Variants in NIPAL3 observed in about 807,000 individuals in gnomAD.
NIPAL3 encodes the protein NIPA-like protein 3.
Under a neutral mutation model 47.2 loss-of-function variants are expected in NIPAL3, and 41 were observed. The ratio of observed to expected loss-of-function variants is 0.87; its 90% CI spans 0.68 to 1.13. The LOEUF (loss-of-function observed/expected upper bound fraction) is 1.13. NIPAL3 is among the 50% of genes most tolerant of loss of function. NIPAL3 has a pLI of 0.00. For missense variants in NIPAL3, 449 were observed against 530.1 expected, an observed-to-expected ratio of 0.85 and a Z score of 1.50; for synonymous variants, 194 against 209.6, an observed-to-expected ratio of 0.93 and a Z score of 0.64.
chr1:24,419,671 T>C (rs1453046400), intron 2 of NIPAL3, 31 bp downstream of exon 2: 2 of 1,596,868 alleles, frequency 1.3e-6, no homozygotes, highest in African/African-American at 1.3e-5. Flanking sequence ...TGGGAATTTG[T>C]ATTTTCCTAG....
At chr1:24,437,619 A>G (rs1460163144) in intron 2 of NIPAL3, among the ~76,000 whole-genome samples, 1 of 152,204 alleles carries the variant, frequency 6.6e-6, no homozygotes, top group East Asian at 1.9e-4. Context: ...GGATGGCCCC[A>G]GGGTCCTGAG....
intron 8 of NIPAL3, among the ~76,000 whole-genome samples, chr1:24,458,663 T>C (rs1646333520): frequency 1.3e-5 from 2 of 151,814 alleles, no homozygotes. Context: ...AATTGGGAAA[T>C]GGGGATGGGC....
chr1:24,472,888 G>T lies in NIPAL3; in HGVS notation c.*3703G>T, dbSNP rs1053171063. Reference sequence around the variant, plus strand: ...GATGCTTATATTTTGTTAACTTCACGACTTATGGCATGTCTTATTTAAAAA... The same window carrying T: ...GATGCTTATATTTTGTTAACTTCACTACTTATGGCATGTCTTATTTAAAAA... On this transcript the variant is annotated 3_prime_UTR_variant, in exon 12 of 12. Transcript: ENST00000374399. 2.0e-5 allele frequency: 3 copies of T among 151,506 alleles called. No homozygotes were observed. The highest frequency in any genetic ancestry group is 7.3e-5 in the African/African-American group (3 of 41,178). 9.4% of individuals were successfully genotyped at this position (151,506 alleles called of 1,614,324 possible).
At chr1:24,463,771 A>G (rs1398603964) in intron 10 of NIPAL3, among the ~76,000 whole-genome samples, 3 of 152,038 alleles carry the variant, frequency 2.0e-5, no homozygotes, top group African/African-American at 7.3e-5. Context: ...CGCCCAGGAG[A>G]GTCTAATTTA....
Position 24,419,350 on chromosome 1 carries a change from T to C in NIPAL3, c.-198T>C. 7.8e-7 allele frequency: 1 copy of C among 1,279,596 alleles called. No individual in the cohort carries two copies. Among genetic ancestry groups the C allele is most frequent in the Non-Finnish European group, 9.9e-7 (1 of 1,014,778 alleles). 79.3% of individuals were successfully genotyped at this position (1,279,596 alleles called of 1,614,324 possible). A position where few individuals can be genotyped will look rare whatever the true frequency, so the allele number is the denominator to read the frequency against. The stretch of plus-strand genomic sequence containing the variant: ...GTCTGCCTGGGAGAGCCACGGAAAT[T>C]GGCACTTCTCTGAGTGAAGCTGAGG... On this transcript the variant is annotated 5_prime_UTR_variant, in exon 2 of 12. Transcript: ENST00000374399.
At chr1:24,466,030 C>G (rs1646684164) in intron 11 of NIPAL3, 9 of 1,611,918 alleles carry the variant, frequency 5.6e-6, no homozygotes, top group Non-Finnish European at 6.8e-6. Flanking sequence ...CAGACAACTG[C>G]TGTTCAAGAG....
In NIPAL3 at chr1:24,449,440, T is replaced by C. The variant is rs1246990239; in HGVS notation, c.395-41T>C. On this transcript the variant is annotated intron_variant, in intron 5 of 11. Coordinates refer to ENST00000374399, the MANE Select transcript of NIPAL3 (RefSeq NM_020448.5). This position sits in a 1 kb window ranked among gnomAD's most constrained non-coding sequence, Gnocchi z 4.5. ...GAGAACGTGTACTGTATCTTGGGCC[T>C]GTTGTTGCAATGAGTCCGTGACAGC... 1 of 1,608,340 alleles carries C rather than the reference T, an allele frequency of 6.2e-7. No individual in the cohort carries two copies. The highest frequency in any genetic ancestry group is 8.5e-7 in the Non-Finnish European group (1 of 1,176,866).
upstream of NIPAL3, chr1:24,413,906 GC>G (rs1423345465): frequency 6.6e-6 from 1 of 152,264 alleles, no homozygotes; most frequent in Non-Finnish European, 1.5e-5. Context: ...AGGGCCTGTA[GC>G]GGGGTGGGGA....
intron 8 of NIPAL3, 41 bp downstream of exon 8, chr1:24,456,314 G>T: frequency 6.2e-7 from 1 of 1,613,412 alleles, no homozygotes; most frequent in Non-Finnish European, 8.5e-7. Flanking sequence ...CTGCCATTCG[G>T]GCTGCTTCTC....
intron 7 of NIPAL3, 101 bp from the exon 8 acceptor site, chr1:24,456,037 C>T: frequency 1.4e-6 from 2 of 1,416,856 alleles, no homozygotes; most frequent in African/African-American, 1.4e-5. Flanking sequence ...GTTCCCTCCC[C>T]TCTGTCTCCC....
chr1:24,443,176 C>T (rs1444128581), intron 4 of NIPAL3, among the ~76,000 whole-genome samples: 1 of 151,906 alleles, frequency 6.6e-6, no homozygotes, highest in African/African-American at 2.4e-5. Context: ...TTTGAACCAA[C>T]TAAAAGACAA....
chr1:24,446,931 T>TC (rs1255416718), intron 5 of NIPAL3, among the ~76,000 whole-genome samples: 1 of 152,098 alleles, frequency 6.6e-6, no homozygotes, highest in Non-Finnish European at 1.5e-5. Flanking sequence ...GAGATTGCCA[T>TC]CCCCAGGTCT....
chr1:24,432,939 G>A (rs926460), intron 2 of NIPAL3, among the ~76,000 whole-genome samples: 65,087 of 152,032 alleles, frequency 0.43, 15,252 homozygotes, highest in African/African-American at 0.64. Context: ...AAGTTCTCAC[G>A]ATGCCCTATT....
chr1:24,421,178 G>C (rs1363065213), intron 2 of NIPAL3, among the ~76,000 whole-genome samples: 1 of 151,668 alleles, frequency 6.6e-6, no homozygotes, highest in Non-Finnish European at 1.5e-5. Context: ...AAATTAGCCA[G>C]GTGTGGTAGG....
In NIPAL3 at chr1:24,471,310, A is replaced by G. The variant is rs1295124717; in HGVS notation, c.*2125A>G. 6.6e-6 allele frequency: 1 copy of G among 152,636 alleles called. No individual in the cohort carries two copies. Among genetic ancestry groups the G allele is most frequent in the African/African-American group, 2.4e-5 (1 of 41,470 alleles). The allele number at this position is 152,636 out of a possible 1,614,324, so 9.5% of individuals were successfully genotyped here. On this transcript the variant is annotated 3_prime_UTR_variant, in exon 12 of 12. Coordinates refer to ENST00000374399, the MANE Select transcript of NIPAL3 (RefSeq NM_020448.5). ...TAGTGGAAGCTGGGCACAGTGGCTCATGCCTGCAATCCCAGCACTTTGGGA... is the reference window on the plus strand; with the variant it reads ...TAGTGGAAGCTGGGCACAGTGGCTCGTGCCTGCAATCCCAGCACTTTGGGA...
intron 7 of NIPAL3, chr1:24,453,910 C>A: frequency 2.4e-6 from 1 of 414,724 alleles, no homozygotes; most frequent in South Asian, 1.8e-5. Context: ...GGGATTCATT[C>A]TGATTCAAAG....
Position 24,440,884 on chromosome 1 carries a change from A to G in NIPAL3, c.162+644A>G, listed in dbSNP as rs187568416. 1.2e-4 allele frequency among the ~76,000 whole-genome samples: 18 copies of G among 152,208 alleles called. No individual in the cohort carries two copies. In the East Asian group the frequency reaches 3.5e-3, roughly 30 times the overall value. On this transcript the variant is annotated intron_variant, in intron 3 of 11. Transcript: ENST00000374399. ...TCTGCTAGGATGATTCTAAGGTGAG[A>G]TTCACAGGGTTTTTCAGAGGGTCCC...
intron 2 of NIPAL3, among the ~76,000 whole-genome samples, chr1:24,432,480 T>C (rs566521879): frequency 3.3e-5 from 5 of 152,298 alleles, no homozygotes; most frequent in African/African-American, 1.2e-4. Context: ...AGTCACTGGG[T>C]CAAGAACCAA....
chr1:24,454,512 A>C lies in NIPAL3; in HGVS notation c.637+1008A>C. 2 of 990,798 alleles carry C rather than the reference A, an allele frequency of 2.0e-6. No individual in the cohort carries two copies. Among genetic ancestry groups the C allele is most frequent in the Non-Finnish European group, 2.4e-6 (2 of 833,252 alleles). The allele number at this position is 990,798 out of a possible 1,614,324, so 61.4% of individuals were successfully genotyped here. On this transcript the variant is annotated intron_variant, in intron 7 of 11. Coordinates refer to ENST00000374399, the MANE Select transcript of NIPAL3 (RefSeq NM_020448.5). The surrounding 1 kb of genome is among the most constrained non-coding windows in gnomAD (Gnocchi z 4.1). ...CACCGCCACAAGCCATCAACCAAAT[A>C]GATACCTGTCACCGAAGACAGGGTT...
Sources: gnomAD v4.1 joint callset for allele counts (sites outside exome capture counted in the v4.1 genomes callset) on GRCh38, gnomAD v4.1.1 for gene constraint, Gnocchi (gnomAD v3.1) non-coding constraint, MANE v1.5 for transcripts, NCBI Gene and HGNC (gene_info 2026-07-23, HGNC 2026-07-21) for gene names.